Variants in PAPPA2 observed in about 807,000 individuals in gnomAD.
The protein encoded by PAPPA2 is pappalysin 2.
A neutral mutation model predicts 176.4 loss-of-function variants in PAPPA2; 86 were observed. The observed-to-expected ratio is 0.49, with a 90% confidence interval of 0.41 to 0.58. The LOEUF is 0.58. Ranked by LOEUF, PAPPA2 falls within the 20% of genes least tolerant of loss-of-function variation. The probability of loss-of-function intolerance (pLI) is 0.00; values close to 1 mark genes in which losing one functional copy is unlikely to be tolerated. For synonymous variants in PAPPA2, 809 were observed against 852.2 expected (o/e 0.95, Z 0.88); for missense variants, 2,073 against 2,256.9 (o/e 0.92, Z 1.65).
At chr1:176,653,393 C>T (rs907129097) in intron 3 of PAPPA2, among the ~76,000 whole-genome samples, 1 of 151,664 alleles carries the variant, frequency 6.6e-6, no homozygotes, top group Non-Finnish European at 1.5e-5. Context: ...ATTGCATTAG[C>T]GTGTATTCCT....
At chr1:176,473,396 C>T (rs1246352633) in intron 1 of PAPPA2, among the ~76,000 whole-genome samples, 2 of 151,954 alleles carry the variant, frequency 1.3e-5, no homozygotes, top group African/African-American at 4.8e-5. Context: ...GAATAATATC[C>T]TCTTGTCTGG....
chr1:176,670,644 G>A (rs1658940390), intron 3 of PAPPA2, among the ~76,000 whole-genome samples: 1 of 152,154 alleles, frequency 6.6e-6, no homozygotes, highest in South Asian at 2.1e-4. Flanking sequence ...AATTCTCAAG[G>A]CAAAGAATTC....
At chr1:176,758,283 T>G (rs1663526897) in intron 14 of PAPPA2, among the ~76,000 whole-genome samples, 1 of 152,208 alleles carries the variant, frequency 6.6e-6, no homozygotes, top group Non-Finnish European at 1.5e-5. Context: ...GAAATATATT[T>G]AACATTTAAC....
At chr1:176,553,505 A>G (rs1651090757) in intron 1 of PAPPA2, 1 of 151,988 alleles carries the variant, frequency 6.6e-6, no homozygotes, top group African/African-American at 2.4e-5. Context: ...TTAACTTGGG[A>G]CTGCCAAGAG....
chr1:176,809,573 C>A (rs1666053191), intron 21 of PAPPA2, among the ~76,000 whole-genome samples: 1 of 152,226 alleles, frequency 6.6e-6, no homozygotes, highest in South Asian at 2.1e-4. Context: ...CTCATGGGCA[C>A]TGCCTGCTAT....
intron 1 of PAPPA2, among the ~76,000 whole-genome samples, chr1:176,474,997 G>A (rs1284070143): frequency 1.3e-5 from 2 of 152,126 alleles, no homozygotes. Context: ...TACAAAAATA[G>A]AATAAAATAC....
At chr1:176,779,483 C>CAT (rs1664611528) in intron 17 of PAPPA2, among the ~76,000 whole-genome samples, 1 of 124,710 alleles carries the variant, frequency 8.0e-6, no homozygotes, top group Admixed American at 7.9e-5. Context: ...TCATCACACA[C>CAT]ACACACACAC....
intron 1 of PAPPA2, among the ~76,000 whole-genome samples, chr1:176,474,608 G>A (rs1032613043): frequency 1.3e-5 from 2 of 152,152 alleles, no homozygotes; most frequent in Non-Finnish European, 2.9e-5. Flanking sequence ...TGCCCAGCAG[G>A]AGACTTCAGG....
rs566688391 is a variant in PAPPA2 at position 176,570,080 on chromosome 1, G to A, written c.919+12839G>A. Among the ~76,000 whole-genome samples, 22 of 152,250 alleles carry A rather than the reference G, an allele frequency of 1.4e-4. No individual in the cohort carries two copies. The South Asian group carries it at 4.4e-3, about 30-fold the overall frequency. On this transcript the variant is annotated intron_variant, in intron 2 of 22. Coordinates refer to ENST00000367662, the MANE Select transcript of PAPPA2 (RefSeq NM_020318.3). ...TTTTCTATTTATTTGCTTCTTCTAGGTTGTCTTTTTCTCATTCTCATAGAA... is the reference window on the plus strand; with the variant it reads ...TTTTCTATTTATTTGCTTCTTCTAGATTGTCTTTTTCTCATTCTCATAGAA...
At chr1:176,704,626 C>G (rs954494253) in intron 9 of PAPPA2, among the ~76,000 whole-genome samples, 7 of 151,874 alleles carry the variant, frequency 4.6e-5, no homozygotes, top group African/African-American at 1.7e-4. Flanking sequence ...GTTTAAAAAC[C>G]AAAACTCAGT....
chr1:176,464,991 G>T, intron 1 of PAPPA2, among the ~76,000 whole-genome samples: 1 of 152,218 alleles, frequency 6.6e-6, no homozygotes, highest in East Asian at 1.9e-4. Context: ...ATAAAAGTAG[G>T]ATTCTAATAC....
intron 4 of PAPPA2, among the ~76,000 whole-genome samples, chr1:176,673,936 C>T (rs979447986): frequency 9.2e-5 from 14 of 152,046 alleles, no homozygotes; most frequent in Non-Finnish European, 1.8e-4. Flanking sequence ...TTCAGGTTTT[C>T]AGGGCAACTA....
At chr1:176,508,183 A>T (rs1558407942) in intron 1 of PAPPA2, among the ~76,000 whole-genome samples, 2 of 152,210 alleles carry the variant, frequency 1.3e-5, no homozygotes, top group Non-Finnish European at 2.9e-5. Context: ...TTAAAGAAAG[A>T]CTACGAAATC....
chr1:176,501,638 T>G (rs1047737855), intron 1 of PAPPA2, among the ~76,000 whole-genome samples: 14 of 152,242 alleles, frequency 9.2e-5, no homozygotes, highest in Non-Finnish European at 2.1e-4. Context: ...CAAGGTTATG[T>G]CAGTGCAAAT....
Position 176,699,419 on chromosome 1 carries a change from C to T in PAPPA2, c.3066C>T (p.Val1022=), listed in dbSNP as rs924891512. ...ATGGGAAGGTGTCGGGGGTGAAAGTCTACACCTTTGATGAGAGGATAGAGA... is the reference window on the plus strand; with the variant it reads ...ATGGGAAGGTGTCGGGGGTGAAAGTTTACACCTTTGATGAGAGGATAGAGA... The part of the protein sequence containing the change: ...HVDGKVSGVK[V]YTFDERIEID... Residue 1022 remains valine (V), a synonymous_variant, in exon 8 of 23, where the codon GTC becomes GTT. Coordinates refer to ENST00000367662, the MANE Select transcript of PAPPA2 (RefSeq NM_020318.3). 1 of 1,614,074 alleles carries T rather than the reference C, an allele frequency of 6.2e-7. No homozygotes were observed. The highest frequency in any genetic ancestry group is 8.5e-7 in the Non-Finnish European group (1 of 1,180,036).
intron 4 of PAPPA2, among the ~76,000 whole-genome samples, chr1:176,679,953 T>C (rs1659500799): frequency 6.6e-6 from 1 of 152,104 alleles, no homozygotes; most frequent in Non-Finnish European, 1.5e-5. Flanking sequence ...ACTCCATAGA[T>C]TTGTGTGGAT....
chr1:176,541,336 C>T (rs766264053), intron 1 of PAPPA2, among the ~76,000 whole-genome samples: 7 of 152,168 alleles, frequency 4.6e-5, no homozygotes, highest in Non-Finnish European at 7.4e-5. Flanking sequence ...AGCCAGAATA[C>T]CAGAATAATC....
chr1:176,619,412 G>C (rs1655459249), intron 3 of PAPPA2, among the ~76,000 whole-genome samples: 1 of 152,194 alleles, frequency 6.6e-6, no homozygotes, highest in African/African-American at 2.4e-5. Flanking sequence ...AATTTTGACT[G>C]AATGACGTTA....
chr1:176,477,747 A>T (rs1452894600), intron 1 of PAPPA2, among the ~76,000 whole-genome samples: 2 of 147,236 alleles, frequency 1.4e-5, no homozygotes, highest in South Asian at 2.1e-4. Flanking sequence ...TCCATCTCAA[A>T]AAATAAATAA....
Sources: gnomAD v4.1 joint callset for allele counts (sites outside exome capture counted in the v4.1 genomes callset) on GRCh38, gnomAD v4.1.1 for gene constraint, MANE v1.5 for transcripts, NCBI Gene and HGNC (gene_info 2026-07-23, HGNC 2026-07-21) for gene names.